The following NUP93 variants were observed in gnomAD, a reference collection of about 807,000 sequenced individuals.
NUP93 encodes nuclear pore complex protein Nup93.
Under a neutral mutation model 107.8 loss-of-function variants are expected in NUP93, and 55 were observed. The ratio of observed to expected loss-of-function variants is 0.51; its 90% CI spans 0.41 to 0.64. The LOEUF is 0.64. Ranked by LOEUF, NUP93 falls within the 30% of genes least tolerant of loss-of-function variation. NUP93 has a pLI of 0.00. For synonymous variants in NUP93, 390 were observed against 397.5 expected, an observed-to-expected ratio of 0.98 and a Z score of 0.22; for missense variants, 937 against 1,044.7, an observed-to-expected ratio of 0.90 and a Z score of 1.42.
In NUP93 at chr16:56,844,618, C is replaced by T. The variant is rs770013936; in HGVS notation, c.*9C>T. On this transcript the variant is annotated 3_prime_UTR_variant, in exon 22 of 22. Transcript: ENST00000308159. ...AGGTCCTCATGAATTAAGTGCCATG[C>T]TTTGTGGGAGTCTGGGTCGGCACAC... is the stretch of plus-strand genomic sequence containing the variant. 2 of 1,576,706 alleles carry T rather than the reference C, an allele frequency of 1.3e-6. No individual in the cohort carries two copies. The highest frequency in any genetic ancestry group is 1.7e-6 in the Non-Finnish European group (2 of 1,158,140).
chr16:56,737,622 CTT>C (rs11362578), intron 1 of NUP93, among the ~76,000 whole-genome samples: 23 of 147,198 alleles, frequency 1.6e-4, no homozygotes, highest in South Asian at 4.3e-4. Context: ...TCATACGGTG[CTT>C]TTTTTTTTTT....
At position 56,832,319 on chromosome 16, in the gene NUP93, G is replaced by T. The variant is rs771500693; in HGVS notation, c.1276G>T (p.Asp426Tyr). The T allele has an allele frequency of 6.2e-7, 1 of 1,614,090 alleles. No individual in the cohort carries two copies. Among genetic ancestry groups the T allele is most frequent in the East Asian group, 2.2e-5 (1 of 44,888 alleles). ...GTTGAACCAAGTGTGTTTTGACGAC[G>T]ATGGCACCAGCTCCCCACAAGACAG... ...LKLNQVCFDD[D>Y]GTSSPQDRLT... Residue 426 changes from aspartate (D) to tyrosine (Y), a missense_variant, in exon 12 of 22, where the codon GAT (aspartate) becomes TAT (tyrosine). Transcript: ENST00000308159.
intron 2 of NUP93, among the ~76,000 whole-genome samples, chr16:56,758,084 A>AG (rs1962058625): frequency 6.6e-6 from 1 of 150,938 alleles, no homozygotes; most frequent in African/African-American, 2.4e-5. Context: ...AAAAAAAAAA[A>AG]GTTGGGGGGA....
At chr16:56,827,066 A>AAAAAAAAAAAAAAAAAAAAAAAAAAT (rs1469520713) in intron 8 of NUP93, among the ~76,000 whole-genome samples, 1 of 143,022 alleles carries the variant, frequency 7.0e-6, no homozygotes, top group African/African-American at 2.5e-5. Context: ...AAAAAAAAAA[A>AAAAAAAAAAAAAAAAAAAAAAAAAAT]AAATTTTGTT....
rs2144662882 is a variant in NUP93, at chr16:56,849,340, GAA to G, written c.*4735_*4736del. On this transcript the variant is annotated 3_prime_UTR_variant, in exon 22 of 22. Transcript: ENST00000308159. ...ATAATGAAGGCCGGATCTTTAAAAA[GAA>G]AAAGGGACGGGGTGCTGGCAGAAAC... 1 of 152,304 alleles carries G rather than the reference GAA, an allele frequency of 6.6e-6. No homozygotes were observed. Among genetic ancestry groups the G allele is most frequent in the East Asian group, 1.9e-4 (1 of 5,176 alleles). 9.4% of individuals were successfully genotyped at this position (152,304 alleles called of 1,614,324 possible). A position where few individuals can be genotyped will look rare whatever the true frequency, so the allele number is the denominator to read the frequency against.
chr16:56,755,476 A>C lies in NUP93; in HGVS notation c.180-3062A>C, dbSNP rs550357211. Among the ~76,000 whole-genome samples, 4 of 152,082 alleles carry C rather than the reference A, an allele frequency of 2.6e-5. No homozygotes were observed. In the South Asian group the frequency reaches 8.3e-4, roughly 32 times the overall value. On this transcript the variant is annotated intron_variant, in intron 2 of 21. Transcript: ENST00000308159. ...AGGGGATGGGGGAGGTTTGGGGGGAAATGGGGAATCACCACCTATTGGTCA... is the reference window on the plus strand; with the variant it reads ...AGGGGATGGGGGAGGTTTGGGGGGACATGGGGAATCACCACCTATTGGTCA...
At chr16:56,786,289 T>C (rs546272630) in intron 3 of NUP93, among the ~76,000 whole-genome samples, 9 of 152,344 alleles carry the variant, frequency 5.9e-5, no homozygotes, top group Middle Eastern at 6.8e-3. Context: ...AATCAGCTCA[T>C]GTTATAGTTA....
chr16:56,805,287 A>G (rs542133367), intron 4 of NUP93, among the ~76,000 whole-genome samples: 17 of 152,280 alleles, frequency 1.1e-4, no homozygotes, highest in Admixed American at 7.2e-4. Flanking sequence ...GGCTCAAGCA[A>G]TCTGCCTGCT....
chr16:56,840,857 C>T (rs1317500320), intron 20 of NUP93, among the ~76,000 whole-genome samples: 1 of 152,082 alleles, frequency 6.6e-6, no homozygotes, highest in Non-Finnish European at 1.5e-5. Flanking sequence ...ATTAGCCGGG[C>T]GTGGTGACGC....
chr16:56,818,160 G>T (rs1963472076), intron 5 of NUP93, among the ~76,000 whole-genome samples: 1 of 152,166 alleles, frequency 6.6e-6, no homozygotes, highest in African/African-American at 2.4e-5. Flanking sequence ...CACATCTTCA[G>T]ATAACAGAAA....
chr16:56,757,778 G>T (rs1345531590), intron 2 of NUP93, among the ~76,000 whole-genome samples: 1 of 152,202 alleles, frequency 6.6e-6, no homozygotes, highest in East Asian at 1.9e-4. Flanking sequence ...TGGAGAACTG[G>T]CCTTGAATTC....
chr16:56,815,865 A>G (rs62037020), intron 5 of NUP93, among the ~76,000 whole-genome samples: 53 of 147,074 alleles, frequency 3.6e-4, no homozygotes, highest in Admixed American at 5.5e-4. Flanking sequence ...TACTACTGCT[A>G]CTGCTGCTGC....
chr16:56,748,803 A>G (rs773070111), intron 2 of NUP93, among the ~76,000 whole-genome samples: 2 of 152,188 alleles, frequency 1.3e-5, no homozygotes, highest in Non-Finnish European at 2.9e-5. Context: ...TTTACCTTCA[A>G]AGCTAGAGAG....
At chr16:56,817,061 G>C (rs1963448593) in intron 5 of NUP93, among the ~76,000 whole-genome samples, 1 of 152,132 alleles carries the variant, frequency 6.6e-6, no homozygotes, top group Non-Finnish European at 1.5e-5. Flanking sequence ...GTAGGAATTG[G>C]GAGTGATCAT....
At chr16:56,807,505 A>G (rs1333111783) in intron 5 of NUP93, among the ~76,000 whole-genome samples, 1 of 152,156 alleles carries the variant, frequency 6.6e-6, no homozygotes. Flanking sequence ...TTATTCCTTT[A>G]TCTCCAGTGC....
In NUP93 at chr16:56,849,393, A is replaced by G. The variant is rs577827332; in HGVS notation, c.*4784A>G. ...CCAGCTCTGCGCTAGCACAATCTGT[A>G]CACCTGGCTGCCTTTGCCCTTGAGC... On this transcript the variant is annotated 3_prime_UTR_variant, in exon 22 of 22. Coordinates refer to ENST00000308159, the MANE Select transcript of NUP93 (RefSeq NM_014669.5). 1 of 152,366 alleles carries G rather than the reference A, an allele frequency of 6.6e-6. No homozygotes were observed. The highest frequency in any genetic ancestry group is 1.9e-4 in the East Asian group (1 of 5,188). 9.4% of individuals were successfully genotyped at this position (152,366 alleles called of 1,614,324 possible). A position where few individuals can be genotyped will look rare whatever the true frequency, so the allele number is the denominator to read the frequency against.
At chr16:56,825,562 G>A (rs2144618151) in intron 8 of NUP93, among the ~76,000 whole-genome samples, 1 of 151,808 alleles carries the variant, frequency 6.6e-6, no homozygotes, top group South Asian at 2.1e-4. Flanking sequence ...GACTGCTCAT[G>A]ACTACTTTTT....
rs1400365992 is a variant in NUP93, at chr16:56,819,494, ATC to A, written c.564+758_564+759del. ...CCTCCACCAGCAGTGGTCCAGGAAT[ATC>A]TGCTCAGCCATTACCACCTCCCAGA... On this transcript the variant is annotated intron_variant, in intron 6 of 21. Coordinates refer to ENST00000308159, the MANE Select transcript of NUP93 (RefSeq NM_014669.5). Among the ~76,000 whole-genome samples the A allele has an allele frequency of 2.0e-5, 3 of 152,292 alleles. No individual in the cohort carries two copies. The East Asian group carries it at 5.8e-4, about 29-fold the overall frequency.
intron 5 of NUP93, among the ~76,000 whole-genome samples, chr16:56,811,682 G>A (rs1325202672): frequency 1.3e-5 from 2 of 152,118 alleles, no homozygotes; most frequent in East Asian, 3.9e-4. Flanking sequence ...TATTGGCCAG[G>A]CTGGTCTCGA....
Sources: allele counts gnomAD v4.1 joint callset (sites outside exome capture counted in the v4.1 genomes callset), GRCh38; gene constraint gnomAD v4.1.1; transcripts MANE v1.5; gene names NCBI Gene and HGNC (gene_info 2026-07-23, HGNC 2026-07-21).